The following SLIT3 variants were observed in gnomAD, a reference collection of about 807,000 sequenced individuals.
SLIT3 encodes the protein slit homolog 3 protein.
SLIT3 carries 68 observed loss-of-function variants against 184.0 expected under a neutral mutation model. The observed-to-expected ratio is 0.37, with a 90% CI of 0.30 to 0.45. SLIT3 has a LOEUF of 0.45. SLIT3 is among the 20% of genes least tolerant of loss of function. The pLI is 1.00. For synonymous variants in SLIT3, 831 were observed against 828.6 expected (o/e 1.00, Z -0.05); for missense variants, 1,707 against 2,026.0 (o/e 0.84, Z 3.02).
intron 3 of SLIT3, among the ~76,000 whole-genome samples, chr5:169,195,927 A>G (rs537751035): frequency 3.3e-5 from 5 of 152,188 alleles, no homozygotes; most frequent in Non-Finnish European, 7.3e-5. Flanking sequence ...AAAACTGTAC[A>G]CTAAAAGTGT....
At chr5:169,084,027 C>G (rs566527893) in intron 4 of SLIT3, among the ~76,000 whole-genome samples, 67 of 152,302 alleles carry the variant, frequency 4.4e-4, no homozygotes, top group African/African-American at 1.5e-3. Context: ...TCATGCTTAG[C>G]ATTTGTTCTT....
chr5:169,025,247 A>C (rs889583740), intron 4 of SLIT3, among the ~76,000 whole-genome samples: 1 of 152,214 alleles, frequency 6.6e-6, no homozygotes, highest in African/African-American at 2.4e-5. Context: ...CTATTATTCA[A>C]GGAAGGAAAG....
At chr5:169,006,565 CTCTT>C (rs1755933259) in intron 4 of SLIT3, among the ~76,000 whole-genome samples, 1 of 148,884 alleles carries the variant, frequency 6.7e-6, no homozygotes, top group South Asian at 2.1e-4. Flanking sequence ...GATTTTCTCT[CTCTT>C]TCCCCCTCTT....
chr5:168,879,107 T>A (rs923905942), intron 5 of SLIT3, among the ~76,000 whole-genome samples: 5 of 152,274 alleles, frequency 3.3e-5, no homozygotes, highest in African/African-American at 9.6e-5. Flanking sequence ...GATAGTTTTT[T>A]ATTTTCTCCG....
At chr5:168,969,558 T>C (rs1349558187) in intron 4 of SLIT3, among the ~76,000 whole-genome samples, 1 of 152,152 alleles carries the variant, frequency 6.6e-6, no homozygotes, top group Non-Finnish European at 1.5e-5. Flanking sequence ...TTGCAGGTCA[T>C]CCTGAAAACA....
intron 4 of SLIT3, among the ~76,000 whole-genome samples, chr5:168,945,878 C>G (rs953717055): frequency 6.6e-6 from 1 of 152,200 alleles, no homozygotes; most frequent in African/African-American, 2.4e-5. Flanking sequence ...TTGATTTGTT[C>G]TAATCTTTGG....
intron 4 of SLIT3, among the ~76,000 whole-genome samples, chr5:169,181,525 A>C (rs1476452988): frequency 6.6e-6 from 1 of 152,128 alleles, no homozygotes; most frequent in Non-Finnish European, 1.5e-5. Flanking sequence ...GCGGATCACG[A>C]GGTCAAGAGA....
At chr5:169,144,579 G>A (rs1409768178) in intron 4 of SLIT3, among the ~76,000 whole-genome samples, 1 of 152,184 alleles carries the variant, frequency 6.6e-6, no homozygotes, top group Non-Finnish European at 1.5e-5. Context: ...AGTGAATGAT[G>A]GAAGGTGTGT....
chr5:168,703,944 CAAAAAA>C (rs70976498), intron 26 of SLIT3, among the ~76,000 whole-genome samples: 1 of 46,822 alleles, frequency 2.1e-5, no homozygotes, highest in African/African-American at 8.5e-5. Flanking sequence ...ACTCTGTCTC[CAAAAAA>C]AAAAAAAAAA....
rs1437660097 is a variant in SLIT3 at position 168,685,985 on chromosome 5, A to G, written c.3315-58T>C. 4 of 1,528,652 alleles carry G rather than the reference A, an allele frequency of 2.6e-6. No individual in the cohort carries two copies. The East Asian group carries it at 9.3e-5, about 36-fold the overall frequency. The allele number at this position is 1,528,652 out of a possible 1,614,324, so 94.7% of individuals were successfully genotyped here. ...GGAGAATGGCCAAGAGGAGACAATCACAGTTACTCAGGCCAAAGAACCTCG... is the reference window on the plus strand; with the variant it reads ...GGAGAATGGCCAAGAGGAGACAATCGCAGTTACTCAGGCCAAAGAACCTCG... On this transcript the variant is annotated intron_variant, in intron 30 of 35. Coordinates refer to ENST00000519560, the MANE Select transcript of SLIT3 (RefSeq NM_003062.4).
chr5:168,780,744 C>G (rs913947089), intron 12 of SLIT3, among the ~76,000 whole-genome samples: 2 of 152,196 alleles, frequency 1.3e-5, no homozygotes, highest in African/African-American at 4.8e-5. Context: ...CCTCTGTCAT[C>G]CTGAATTTCT....
intron 4 of SLIT3, among the ~76,000 whole-genome samples, chr5:168,946,762 T>C (rs1434650904): frequency 2.0e-5 from 3 of 152,104 alleles, no homozygotes; most frequent in Non-Finnish European, 1.5e-5. Flanking sequence ...TCCCTCATTC[T>C]CACCCCTTCC....
rs190112625 is a variant in SLIT3, at chr5:168,700,505, C to T, written c.2942+77G>A. On this transcript the variant is annotated intron_variant, in intron 27 of 35. Coordinates refer to ENST00000519560, the MANE Select transcript of SLIT3 (RefSeq NM_003062.4). ...TTAAACTTCTTTCCTTTATAAATTA[C>T]CCAGTCTTGGGTATGTCTTTATTAG... 2.6e-4 allele frequency: 266 copies of T among 1,012,868 alleles called. 1 individual carries two copies. In the African/African-American group the frequency reaches 3.8e-3, roughly 14 times the overall value. 62.7% of individuals were successfully genotyped at this position (1,012,868 alleles called of 1,614,324 possible). A position where few individuals can be genotyped will look rare whatever the true frequency, so the allele number is the denominator to read the frequency against.
chr5:169,233,053 G>A lies in SLIT3; in HGVS notation c.341+11652C>T, dbSNP rs1268032259. Among the ~76,000 whole-genome samples the A allele has an allele frequency of 2.0e-5, 3 of 152,232 alleles. No homozygotes were observed. In the South Asian group the frequency reaches 6.2e-4, roughly 32 times the overall value. On this transcript the variant is annotated intron_variant, in intron 3 of 35. Coordinates refer to ENST00000519560, the MANE Select transcript of SLIT3 (RefSeq NM_003062.4). ...ATATATATATTTATTTTGAGATAGA[G>A]TCTCGCTCTGTCACCAGGCTGGAAT...
chr5:168,890,523 C>A (rs1307966943), intron 4 of SLIT3, among the ~76,000 whole-genome samples: 1 of 152,198 alleles, frequency 6.6e-6, no homozygotes, highest in Middle Eastern at 3.2e-3. Flanking sequence ...GAACAAAATA[C>A]ACATTCATTC....
intron 2 of SLIT3, among the ~76,000 whole-genome samples, chr5:169,249,355 C>T (rs1036890798): frequency 3.3e-5 from 5 of 151,886 alleles, no homozygotes; most frequent in African/African-American, 1.2e-4. Flanking sequence ...GAGGAATGTA[C>T]CAATTAACTG....
At chr5:168,771,064 G>C (rs1755535111) in intron 14 of SLIT3, among the ~76,000 whole-genome samples, 1 of 152,186 alleles carries the variant, frequency 6.6e-6, no homozygotes, top group Non-Finnish European at 1.5e-5. Flanking sequence ...AAAGGGTCAA[G>C]GTTGGCAGAT....
At chr5:169,248,301 C>T (rs1021062391) in intron 2 of SLIT3, among the ~76,000 whole-genome samples, 1 of 152,084 alleles carries the variant, frequency 6.6e-6, no homozygotes, top group East Asian at 1.9e-4. Flanking sequence ...CTGCTGGGAC[C>T]CTCACTGACC....
intron 31 of SLIT3, among the ~76,000 whole-genome samples, chr5:168,684,607 C>T (rs2113223417): frequency 6.6e-6 from 1 of 151,980 alleles, no homozygotes; most frequent in East Asian, 2.0e-4. Flanking sequence ...GTAGCTGGGA[C>T]TACGGGTGCT....
Sources: gnomAD v4.1 joint callset for allele counts (sites outside exome capture counted in the v4.1 genomes callset) on GRCh38, gnomAD v4.1.1 for gene constraint, MANE v1.5 for transcripts, NCBI Gene and HGNC (gene_info 2026-07-23, HGNC 2026-07-21) for gene names.